NFYA: variants seen among roughly 807,000 people sequenced by gnomAD.
The protein encoded by NFYA is nuclear transcription factor Y subunit alpha, also known as CAAT-box DNA binding protein subunit A.
Under a neutral mutation model 52.8 loss-of-function variants are expected in NFYA, and 28 were observed. The observed-to-expected ratio is 0.53, with a 90% CI of 0.39 to 0.73. The LOEUF is 0.73. NFYA is among the 30% of genes least tolerant of loss of function. The pLI, the probability that NFYA is intolerant of heterozygous loss-of-function variation, is 0.00. For synonymous variants in NFYA, 150 were observed against 150.7 expected (o/e 1.00, Z 0.03); for missense variants, 234 against 427.0 (o/e 0.55, Z 3.98).
At chr6:41,086,947 G>T (rs1490564834) in intron 4 of NFYA, among the ~76,000 whole-genome samples, 1 of 151,952 alleles carries the variant, frequency 6.6e-6, no homozygotes, top group Non-Finnish European at 1.5e-5. Context: ...CTATAGAGAA[G>T]GATATTTTTA....
At position 41,093,027 on chromosome 6, in the gene NFYA, A is replaced by G. The variant is rs368713339; in HGVS notation, c.830A>G (p.Lys277Arg). Residue 277 changes from lysine to arginine, a missense_variant, in exon 8 of 10, where the codon AAG becomes AGG. Coordinates refer to ENST00000341376, the MANE Select transcript of NFYA (RefSeq NM_002505.5). ...VNAKQYHRIL[K>R]RRQARAKLEA... ...GCCAAACAATACCACCGTATTCTTA[A>G]GAGGAGGCAAGCCCGAGCTAAACTA... The G allele has an allele frequency of 1.9e-6, 3 of 1,614,088 alleles. No homozygotes were observed. The highest frequency in any genetic ancestry group is 2.7e-5 in the African/African-American group (2 of 74,934).
rs187977750 is a variant in NFYA at position 41,097,685 on chromosome 6, C to A, written c.*275C>A. 2.9e-3 allele frequency: 1,063 copies of A among 366,740 alleles called. 29 individuals are homozygous for A. The South Asian group carries it at 0.032, about 11-fold the overall frequency. The allele number at this position is 366,740 out of a possible 1,614,324, so 22.7% of individuals were successfully genotyped here. On this transcript the variant is annotated 3_prime_UTR_variant, in exon 10 of 10. Transcript: ENST00000341376. ...TTCGGATGATGCAAGGAGACACATG[C>A]CACCCCAGCAGTACACAAAGCACTT... is the stretch of plus-strand genomic sequence containing the variant.
intron 9 of NFYA, among the ~76,000 whole-genome samples, chr6:41,094,773 A>C: frequency 6.6e-6 from 1 of 152,290 alleles, no homozygotes; most frequent in East Asian, 1.9e-4. Flanking sequence ...CTCCATCTCT[A>C]CAAAAAAATA....
At position 41,089,576 on chromosome 6, in the gene NFYA, C is replaced by T; in HGVS notation, c.310-3C>T. 1 of 1,603,100 alleles carries T rather than the reference C, an allele frequency of 6.2e-7. No individual in the cohort carries two copies. Among genetic ancestry groups the T allele is most frequent in the Non-Finnish European group, 8.5e-7 (1 of 1,175,766 alleles). On this transcript the variant is annotated splice_polypyrimidine_tract_variant and splice_region_variant and intron_variant, in intron 4 of 9. Coordinates refer to ENST00000341376, the MANE Select transcript of NFYA (RefSeq NM_002505.5). Reference sequence around the variant, plus strand: ...AATCCTTTTTTTATGTTCTTTTCTGCAGATACAGTTGGTCCCACCTGGACA... The same window carrying T: ...AATCCTTTTTTTATGTTCTTTTCTGTAGATACAGTTGGTCCCACCTGGACA...
chr6:41,074,478 C>G (rs1012436712), intron 1 of NFYA, among the ~76,000 whole-genome samples: 1 of 152,240 alleles, frequency 6.6e-6, no homozygotes, highest in African/African-American at 2.4e-5. Context: ...CATGCGTGAG[C>G]TAGCCTCCGT....
chr6:41,089,980 G>A (rs1167040480), intron 5 of NFYA, among the ~76,000 whole-genome samples: 2 of 152,038 alleles, frequency 1.3e-5, no homozygotes, highest in South Asian at 2.1e-4. Flanking sequence ...GCATGGTGGC[G>A]CATGCCTGTA....
At position 41,097,427 on chromosome 6, in the gene NFYA, G is replaced by GC; in HGVS notation, c.*17_*18insC. ...GTGTCCTAACCCCACGCCATGTGAT[G>GC]GAGCTGATCAAGGTCATGTTTCTCA... On this transcript the variant is annotated 3_prime_UTR_variant, in exon 10 of 10. Coordinates refer to ENST00000341376, the MANE Select transcript of NFYA (RefSeq NM_002505.5). The GC allele has an allele frequency of 6.2e-7, 1 of 1,613,146 alleles. No homozygotes were observed. The highest frequency in any genetic ancestry group is 8.5e-7 in the Non-Finnish European group (1 of 1,179,330).
intron 9 of NFYA, among the ~76,000 whole-genome samples, chr6:41,094,953 T>C (rs1192932323): frequency 6.6e-6 from 1 of 152,224 alleles, no homozygotes; most frequent in South Asian, 2.1e-4. Context: ...TATTACCCCA[T>C]CACAAATATA....
At chr6:41,077,389 C>G (rs1283371580) in intron 1 of NFYA, among the ~76,000 whole-genome samples, 2 of 152,214 alleles carry the variant, frequency 1.3e-5, no homozygotes, top group South Asian at 2.1e-4. Context: ...CAACCTCCCT[C>G]TTTCCTGTCT....
intron 7 of NFYA, among the ~76,000 whole-genome samples, chr6:41,092,613 G>C (rs1764226268): frequency 6.6e-6 from 1 of 152,058 alleles, no homozygotes; most frequent in Admixed American, 6.6e-5. Flanking sequence ...TATGACTACT[G>C]TTCCTGACCA....
intron 3 of NFYA, 83 bp downstream of exon 3, chr6:41,080,980 A>C: frequency 9.0e-7 from 1 of 1,117,116 alleles, no homozygotes; most frequent in Non-Finnish European, 1.3e-6. Context: ...TAGGATCTCC[A>C]GTAGGAATGG....
intron 3 of NFYA, among the ~76,000 whole-genome samples, chr6:41,082,709 C>T (rs1445388426): frequency 1.3e-5 from 2 of 152,032 alleles, no homozygotes; most frequent in Non-Finnish European, 2.9e-5. Context: ...GTTATTCTTG[C>T]TATATGTATT....
At chr6:41,079,709 G>C (rs188716169) in intron 2 of NFYA, among the ~76,000 whole-genome samples, 10 of 152,048 alleles carry the variant, frequency 6.6e-5, no homozygotes, top group African/African-American at 2.2e-4. Flanking sequence ...TTATACACAG[G>C]TTACATTTTC....
intron 2 of NFYA, among the ~76,000 whole-genome samples, chr6:41,079,937 TC>T (rs1763861287): frequency 6.6e-6 from 1 of 152,146 alleles, no homozygotes; most frequent in Admixed American, 6.5e-5. Flanking sequence ...AAAGACGAAC[TC>T]CCCTGATAGC....
In NFYA at chr6:41,090,320, C is replaced by A; in HGVS notation, c.547+11C>A. Reference sequence around the variant, plus strand: ...CCATTCTCCAGCAAGGTAAGTGTACCCATAAGCTTCCCTAGGACTTTTTGG... The same window carrying A: ...CCATTCTCCAGCAAGGTAAGTGTACACATAAGCTTCCCTAGGACTTTTTGG... On this transcript the variant is annotated intron_variant, in intron 6 of 9. Coordinates refer to ENST00000341376, the MANE Select transcript of NFYA (RefSeq NM_002505.5). The A allele has an allele frequency of 6.3e-7, 1 of 1,595,028 alleles. No individual in the cohort carries two copies. Among genetic ancestry groups the A allele is most frequent in the Non-Finnish European group, 8.6e-7 (1 of 1,163,296 alleles).
chr6:41,091,125 A>G (rs892096711), intron 6 of NFYA, among the ~76,000 whole-genome samples: 2 of 152,216 alleles, frequency 1.3e-5, no homozygotes, highest in African/African-American at 4.8e-5. Context: ...AAGTTTTAAT[A>G]CTACAACTGA....
chr6:41,073,633 TG>T (rs1290411459), intron 1 of NFYA, among the ~76,000 whole-genome samples: 1 of 151,982 alleles, frequency 6.6e-6, no homozygotes, highest in Non-Finnish European at 1.5e-5. Context: ...GAGGGAGGCC[TG>T]GGGAGGGTGC....
In NFYA at chr6:41,098,362, TAGTGGGAGAG is replaced by T. The variant is rs2113829597; in HGVS notation, c.*959_*968del. The T allele has an allele frequency of 6.6e-6, 1 of 152,324 alleles. No homozygotes were observed. The highest frequency in any genetic ancestry group is 2.4e-5 in the African/African-American group (1 of 41,540). 9.4% of individuals were successfully genotyped at this position (152,324 alleles called of 1,614,324 possible). Reference sequence around the variant, plus strand: ...ACTAAAAGATTCATGTGTTTCAGCCTAGTGGGAGAGAGTGGGGGAGAGGAAGAGAGAGAGA... The same window carrying T: ...ACTAAAAGATTCATGTGTTTCAGCCTAGTGGGGGAGAGGAAGAGAGAGAGA... On this transcript the variant is annotated 3_prime_UTR_variant, in exon 10 of 10. Coordinates refer to ENST00000341376, the MANE Select transcript of NFYA (RefSeq NM_002505.5).
intron 2 of NFYA, among the ~76,000 whole-genome samples, chr6:41,079,820 T>C (rs1442288342): frequency 6.6e-6 from 1 of 152,214 alleles, no homozygotes; most frequent in East Asian, 1.9e-4. Context: ...AGGCCAAGAT[T>C]GATATTTTGG....
Sources: gnomAD v4.1 joint callset for allele counts (sites outside exome capture counted in the v4.1 genomes callset) on GRCh38, gnomAD v4.1.1 for gene constraint, MANE v1.5 for transcripts, NCBI Gene and HGNC (gene_info 2026-07-23, HGNC 2026-07-21) for gene names.